The following CNTLN variants were observed in gnomAD, a reference collection of about 807,000 sequenced individuals.
CNTLN encodes centlein, centrosomal protein.
Under a neutral mutation model 180.0 loss-of-function variants are expected in CNTLN, and 212 were observed. The observed-to-expected ratio is 1.18, with a 90% CI of 1.05 to 1.32. The LOEUF is 1.32. CNTLN is among the 40% of genes most tolerant of loss of function. The pLI, the probability that CNTLN is intolerant of heterozygous loss-of-function variation, is 0.00. For synonymous variants in CNTLN, 722 were observed against 563.1 expected, an observed-to-expected ratio of 1.28 and a Z score of -3.99; for missense variants, 2,095 against 1,610.9, an observed-to-expected ratio of 1.30 and a Z score of -5.14.
intron 2 of CNTLN, among the ~76,000 whole-genome samples, chr9:17,213,235 C>T (rs966332115): frequency 1.1e-4 from 17 of 152,188 alleles, no homozygotes; most frequent in Admixed American, 1.0e-3. Context: ...AAGTGTGTCC[C>T]AGAGATTCTG....
chr9:17,464,943 A>C (rs1413435770), intron 21 of CNTLN, among the ~76,000 whole-genome samples: 1 of 151,154 alleles, frequency 6.6e-6, no homozygotes, highest in African/African-American at 2.4e-5. Flanking sequence ...TTATGATAGA[A>C]TCAAGCTTAT....
At chr9:17,235,842 C>A in intron 4 of CNTLN, 50 bp downstream of exon 4, 1 of 1,546,008 alleles carries the variant, frequency 6.5e-7, no homozygotes, top group Non-Finnish European at 8.7e-7. Context: ...TGAAGTTCTG[C>A]TTTAAGCTTT....
intron 14 of CNTLN, among the ~76,000 whole-genome samples, chr9:17,389,802 C>T (rs10120006): frequency 0.82 from 124,188 of 151,960 alleles, 51,226 homozygotes; most frequent in Non-Finnish European, 0.87. Flanking sequence ...AGAATTGTGT[C>T]CTGTCCCCCA....
At chr9:17,136,464 G>A (rs1817724008) in intron 1 of CNTLN, among the ~76,000 whole-genome samples, 1 of 152,144 alleles carries the variant, frequency 6.6e-6, no homozygotes, top group Admixed American at 6.5e-5. Context: ...CGAATAGCTG[G>A]GACTACAGGT....
chr9:17,192,541 T>C (rs1042198034), intron 2 of CNTLN, among the ~76,000 whole-genome samples: 2 of 152,112 alleles, frequency 1.3e-5, no homozygotes, highest in African/African-American at 4.8e-5. Flanking sequence ...CCCGCTGAGG[T>C]AGGCCCTATT....
intron 3 of CNTLN, among the ~76,000 whole-genome samples, chr9:17,231,882 C>G (rs1824838568): frequency 6.6e-6 from 1 of 150,598 alleles, no homozygotes; most frequent in South Asian, 2.1e-4. Flanking sequence ...GTAGACTTCT[C>G]TTGACCATTA....
intron 6 of CNTLN, among the ~76,000 whole-genome samples, chr9:17,297,113 A>T (rs1416025510): frequency 6.6e-6 from 1 of 152,248 alleles, no homozygotes; most frequent in African/African-American, 2.4e-5. Context: ...CAGGTGAAGA[A>T]AAATGAGTGG....
intron 2 of CNTLN, among the ~76,000 whole-genome samples, chr9:17,186,858 C>T (rs2131773357): frequency 6.6e-6 from 1 of 152,136 alleles, no homozygotes; most frequent in South Asian, 2.1e-4. Context: ...TTGAGTCCTA[C>T]ATTTTATGCC....
intron 2 of CNTLN, among the ~76,000 whole-genome samples, chr9:17,186,927 C>T (rs1180832963): frequency 6.6e-6 from 1 of 151,948 alleles, no homozygotes; most frequent in Non-Finnish European, 1.5e-5. Flanking sequence ...GATTAGGATT[C>T]CTATATGAGA....
intron 5 of CNTLN, among the ~76,000 whole-genome samples, chr9:17,263,049 A>G (rs927497165): frequency 6.6e-6 from 1 of 151,082 alleles, no homozygotes; most frequent in African/African-American, 2.5e-5. Context: ...TTTTAATTTT[A>G]TTATTATTAT....
rs545749047 is a variant in CNTLN at position 17,178,604 on chromosome 9, C to T, written c.449+35228C>T. Among the ~76,000 whole-genome samples, 45 of 152,176 alleles carry T rather than the reference C, an allele frequency of 3.0e-4. 1 individual carries two copies. The South Asian group carries it at 3.1e-3, about 11-fold the overall frequency. On this transcript the variant is annotated intron_variant, in intron 2 of 25. Coordinates refer to ENST00000380647, the MANE Select transcript of CNTLN (RefSeq NM_017738.4). ...AGGCAGCTAAGGCCCGGTGAGAAATCGAGCACAGCAGCTGCTGGCCCAGGT... is the reference window on the plus strand; with the variant it reads ...AGGCAGCTAAGGCCCGGTGAGAAATTGAGCACAGCAGCTGCTGGCCCAGGT...
intron 8 of CNTLN, among the ~76,000 whole-genome samples, chr9:17,324,717 G>A (rs952882054): frequency 2.6e-5 from 4 of 151,846 alleles, no homozygotes; most frequent in Non-Finnish European, 5.9e-5. Flanking sequence ...AGTTTTATTT[G>A]GTATATGGAA....
the CNTLN span, among the ~76,000 whole-genome samples, chr9:17,509,052 C>A: frequency 6.6e-6 from 1 of 152,214 alleles, no homozygotes; most frequent in African/African-American, 2.4e-5. Context: ...TGTAGATGCA[C>A]GTCAGCTTCT....
intron 5 of CNTLN, among the ~76,000 whole-genome samples, chr9:17,256,158 T>G (rs7040666): frequency 0.22 from 33,997 of 151,886 alleles, 5,132 homozygotes; most frequent in African/African-American, 0.43. Context: ...CAGTCTGCTA[T>G]TGATGGTCAC....
At chr9:17,317,942 G>GT (rs1235919045) in intron 8 of CNTLN, among the ~76,000 whole-genome samples, 10 of 151,832 alleles carry the variant, frequency 6.6e-5, no homozygotes, top group Non-Finnish European at 1.2e-4. Flanking sequence ...CCGTTGGTGT[G>GT]TTTTTTGTAG....
chr9:17,219,211 T>C (rs1823965905), intron 2 of CNTLN, among the ~76,000 whole-genome samples: 1 of 151,916 alleles, frequency 6.6e-6, no homozygotes, highest in African/African-American at 2.4e-5. Flanking sequence ...CAGTCATTGA[T>C]CATCATCAGC....
At chr9:17,186,416 A>C (rs2131769903) in intron 2 of CNTLN, among the ~76,000 whole-genome samples, 1 of 152,288 alleles carries the variant, frequency 6.6e-6, no homozygotes, top group Admixed American at 6.5e-5. Flanking sequence ...ATATGGTAGA[A>C]TTCATCTTGA....
intron 7 of CNTLN, chr9:17,302,107 CACACACACACACAG>C (rs745898379): frequency 0.032 from 25,400 of 803,998 alleles, 171 homozygotes; most frequent in South Asian, 0.16. Context: ...CACACACACA[CACACACACACACAG>C]ACACACACAC....
At chr9:17,521,088 A>G in the CNTLN span, among the ~76,000 whole-genome samples, 3 of 152,236 alleles carry the variant, frequency 2.0e-5, no homozygotes, top group Non-Finnish European at 4.4e-5. Context: ...TAATCTAACT[A>G]GACAAGGCAC....
Sources: gnomAD v4.1 joint callset for allele counts (sites outside exome capture counted in the v4.1 genomes callset) on GRCh38, gnomAD v4.1.1 for gene constraint, MANE v1.5 for transcripts, NCBI Gene and HGNC (gene_info 2026-07-23, HGNC 2026-07-21) for gene names.